Variants in HMGB1 observed in about 807,000 individuals in gnomAD.
HMGB1 encodes high mobility group protein B1.
For missense variants in HMGB1, 79 were observed against 253.5 expected (o/e 0.31, Z 4.67); for synonymous variants, 81 against 84.0 (o/e 0.96, Z 0.19).
At chr13:30,570,949 C>T (rs1870397530) in intron 1 of HMGB1, among the ~76,000 whole-genome samples, 1 of 152,140 alleles carries the variant, frequency 6.6e-6, no homozygotes, top group Non-Finnish European at 1.5e-5. Context: ...CTTTCATATT[C>T]TTGTAAGATT....
intron 1 of HMGB1, among the ~76,000 whole-genome samples, chr13:30,479,049 C>T (rs1415922710): frequency 2.0e-5 from 3 of 152,008 alleles, no homozygotes; most frequent in Non-Finnish European, 4.4e-5. Flanking sequence ...CTAGAGGACT[C>T]AAAGATTCAG....
chr13:30,493,961 G>A (rs544959550), intron 1 of HMGB1, among the ~76,000 whole-genome samples: 25 of 151,476 alleles, frequency 1.7e-4, no homozygotes, highest in Admixed American at 4.0e-4. Flanking sequence ...AAAAAATTGG[G>A]AAAATGGCTG....
At chr13:30,509,940 A>T (rs1242386949) in intron 1 of HMGB1, among the ~76,000 whole-genome samples, 1 of 152,198 alleles carries the variant, frequency 6.6e-6, no homozygotes. Flanking sequence ...AGGCTAATTA[A>T]TAGTCTATTT....
intron 1 of HMGB1, among the ~76,000 whole-genome samples, chr13:30,607,911 G>A (rs1950476036): frequency 6.6e-6 from 1 of 152,166 alleles, no homozygotes; most frequent in African/African-American, 2.4e-5. Flanking sequence ...GGTATACAGT[G>A]AAATTAACAT....
chr13:30,602,890 C>A (rs1056234488), intron 1 of HMGB1, among the ~76,000 whole-genome samples: 1 of 152,216 alleles, frequency 6.6e-6, no homozygotes, highest in African/African-American at 2.4e-5. Context: ...TGCAGCACGA[C>A]TTCCCCAGGT....
chr13:30,520,946 T>C (rs1888224580), intron 1 of HMGB1, among the ~76,000 whole-genome samples: 1 of 152,230 alleles, frequency 6.6e-6, no homozygotes, highest in Non-Finnish European at 1.5e-5. Flanking sequence ...AGCGCTTCAC[T>C]CTTCCTTCTG....
intron 1 of HMGB1, chr13:30,464,274 G>A (rs1361810328): frequency 1.0e-6 from 1 of 985,554 alleles, no homozygotes; most frequent in Non-Finnish European, 1.2e-6. Flanking sequence ...GTGCCACCGC[G>A]AGGCAGCCTC....
At chr13:30,540,650 T>C (rs1868827103) in intron 1 of HMGB1, 2 of 151,584 alleles carry the variant, frequency 1.3e-5, no homozygotes, top group South Asian at 2.1e-4. Flanking sequence ...AATGGCGCGA[T>C]CTTGGCTCAT....
intron 1 of HMGB1, chr13:30,543,082 G>A (rs1018364958): frequency 6.8e-6 from 1 of 147,762 alleles, no homozygotes; most frequent in African/African-American, 2.5e-5. Context: ...CAGATGGGAA[G>A]TCCACACACA....
chr13:30,519,745 A>C (rs1888196075), intron 1 of HMGB1, among the ~76,000 whole-genome samples: 1 of 152,088 alleles, frequency 6.6e-6, no homozygotes, highest in South Asian at 2.1e-4. Context: ...GTCACATTGA[A>C]CTTAGAAAAC....
At chr13:30,573,289 C>A (rs920191914) in intron 1 of HMGB1, among the ~76,000 whole-genome samples, 7 of 152,160 alleles carry the variant, frequency 4.6e-5, no homozygotes, top group Non-Finnish European at 5.9e-5. Flanking sequence ...GACAGAAACA[C>A]ATTCTTAGAA....
At chr13:30,471,654 CTTTTTTT>C (rs1171119586) in intron 1 of HMGB1, among the ~76,000 whole-genome samples, 3 of 30,566 alleles carry the variant, frequency 9.8e-5, no homozygotes, top group East Asian at 1.3e-3. Flanking sequence ...CGTGCCCGGC[CTTTTTTT>C]TTTTTTTTTT....
Position 30,587,725 on chromosome 13 carries a change from C to A in HMGB1, c.-15+28946G>T, listed in dbSNP as rs1343784677. ...TAGCCAAGCAAATGAACTACTTATT[C>A]TCATAGGGCTATTATAATTAACAAA... is the stretch of plus-strand genomic sequence containing the variant. On this transcript the variant is annotated intron_variant, in intron 1 of 4. Transcript: ENST00000405805. 6.6e-4 allele frequency among the ~76,000 whole-genome samples: 101 copies of A among 152,206 alleles called. 1 individual carries two copies. The highest frequency in any genetic ancestry group is 1.6e-4 in the Non-Finnish European group (11 of 68,042).
rs1886138387 is a variant in HMGB1 at position 30,459,077 on chromosome 13, C to G, written c.*2280G>C. The stretch of plus-strand genomic sequence containing the variant: ...AGATTTAGTCTTTTCTTGATGTCAA[C>G]AAAGTCTTTAAACCCCACAGCACTG... On this transcript the variant is annotated 3_prime_UTR_variant, in exon 5 of 5. Coordinates refer to ENST00000341423, the MANE Select transcript of HMGB1 (RefSeq NM_002128.7). 1 of 152,148 alleles carries G rather than the reference C, an allele frequency of 6.6e-6. No homozygotes were observed. The highest frequency in any genetic ancestry group is 2.4e-5 in the African/African-American group (1 of 41,432). 9.4% of individuals were successfully genotyped at this position (152,148 alleles called of 1,614,324 possible). A position where few individuals can be genotyped will look rare whatever the true frequency, so the allele number is the denominator to read the frequency against.
At chr13:30,557,898 A>G (rs1478779736) in intron 1 of HMGB1, among the ~76,000 whole-genome samples, 1 of 152,196 alleles carries the variant, frequency 6.6e-6, no homozygotes, top group East Asian at 1.9e-4. Context: ...TCAATTCGGT[A>G]TGTGTTCATG....
intron 1 of HMGB1, among the ~76,000 whole-genome samples, chr13:30,594,974 G>A (rs1871538218): frequency 1.3e-5 from 2 of 152,190 alleles, no homozygotes; most frequent in African/African-American, 2.4e-5. Context: ...TTAATGACAG[G>A]TGAATCTAGG....
intron 1 of HMGB1, chr13:30,465,183 C>CCCGCCGCCCGGCCGCCG (rs1886688778): frequency 4.2e-6 from 4 of 941,354 alleles, no homozygotes; most frequent in African/African-American, 1.8e-5. Context: ...CGCCGCTCCC[C>CCCGCCGCCCGGCCGCCG]CCGCCGCCCG....
chr13:30,563,243 A>T (rs1176384767), intron 1 of HMGB1, among the ~76,000 whole-genome samples: 3 of 152,208 alleles, frequency 2.0e-5, no homozygotes, highest in Non-Finnish European at 4.4e-5. Context: ...ATCCCCACAC[A>T]TTTTATTTCT....
intron 2 of HMGB1, 53 bp from the exon 3 acceptor site, chr13:30,463,405 T>A: frequency 6.5e-7 from 1 of 1,550,174 alleles, no homozygotes. Context: ...TAAATTATCC[T>A]CAAAACCAAT....
Sources: allele counts gnomAD v4.1 joint callset (sites outside exome capture counted in the v4.1 genomes callset), GRCh38; gene constraint gnomAD v4.1.1; transcripts MANE v1.5; gene names NCBI Gene and HGNC (gene_info 2026-07-23, HGNC 2026-07-21).